MAST2: variants seen among roughly 807,000 people sequenced by gnomAD.
MAST2 encodes the protein microtubule associated serine/threonine kinase 2, also known as microtubule-associated serine/threonine-protein kinase 2.
A neutral mutation model predicts 147.4 loss-of-function variants in MAST2; 70 were observed. The observed-to-expected ratio is 0.47, with a 90% confidence interval of 0.39 to 0.58. The LOEUF is 0.58. Among genes scored for constraint, MAST2 ranks in the 20% least tolerant of loss-of-function variants. MAST2 has a pLI of 0.00. For synonymous variants in MAST2, 869 were observed against 896.8 expected, an observed-to-expected ratio of 0.97 and a Z score of 0.55; for missense variants, 2,080 against 2,302.3, an observed-to-expected ratio of 0.90 and a Z score of 1.98.
At chr1:45,894,296 C>T (rs1454358536) in intron 4 of MAST2, among the ~76,000 whole-genome samples, 1 of 151,846 alleles carries the variant, frequency 6.6e-6, no homozygotes, top group Non-Finnish European at 1.5e-5. Context: ...AAAGACAAAT[C>T]TTCAAATAAT....
At chr1:46,006,468 C>T (rs771852497) in intron 8 of MAST2, 73 bp downstream of exon 8, 2 of 1,486,352 alleles carry the variant, frequency 1.3e-6, no homozygotes, top group South Asian at 1.4e-5. Context: ...GAGGTGGGCA[C>T]ACTATGCTAT....
At chr1:45,970,690 G>C (rs114024507) in intron 5 of MAST2, among the ~76,000 whole-genome samples, 1 of 93,190 alleles carries the variant, frequency 1.1e-5, no homozygotes, top group Non-Finnish European at 2.2e-5. Flanking sequence ...AAAAAAAAAA[G>C]AATTTCTGCT....
intron 3 of MAST2, among the ~76,000 whole-genome samples, chr1:45,867,447 C>T (rs1412825776): frequency 6.6e-6 from 1 of 152,134 alleles, no homozygotes; most frequent in Non-Finnish European, 1.5e-5. Flanking sequence ...GTAAATAGGG[C>T]ATTTAGAAGT....
chr1:45,808,369 C>G (rs1161243943), intron 1 of MAST2, among the ~76,000 whole-genome samples: 3 of 152,092 alleles, frequency 2.0e-5, no homozygotes, highest in Non-Finnish European at 1.5e-5. Context: ...TAGCGCATGC[C>G]TGGCTAATTT....
chr1:45,849,718 G>A (rs1645563182), intron 3 of MAST2, among the ~76,000 whole-genome samples: 2 of 152,046 alleles, frequency 1.3e-5, no homozygotes, highest in Non-Finnish European at 2.9e-5. Context: ...AGTAGAGATG[G>A]GGTTTCACCA....
At chr1:45,804,494 A>T (rs1359484764) in intron 1 of MAST2, among the ~76,000 whole-genome samples, 1 of 152,014 alleles carries the variant, frequency 6.6e-6, no homozygotes, top group Non-Finnish European at 1.5e-5. Flanking sequence ...AACGGATGAC[A>T]CTCCCAAGCA....
At chr1:45,939,369 A>G (rs1237513946) in intron 4 of MAST2, among the ~76,000 whole-genome samples, 1 of 152,166 alleles carries the variant, frequency 6.6e-6, no homozygotes, top group Non-Finnish European at 1.5e-5. Context: ...ATTAATCTAT[A>G]TGCCTATCCT....
Position 46,023,680 on chromosome 1 carries a change from A to T in MAST2, c.1572-92A>T. 1.8e-6 allele frequency: 2 copies of T among 1,142,738 alleles called. No individual in the cohort carries two copies. Among genetic ancestry groups the T allele is most frequent in the Non-Finnish European group, 2.5e-6 (2 of 785,972 alleles). The allele number at this position is 1,142,738 out of a possible 1,614,324, so 70.8% of individuals were successfully genotyped here. A position where few individuals can be genotyped will look rare whatever the true frequency, so the allele number is the denominator to read the frequency against. On this transcript the variant is annotated intron_variant, in intron 14 of 28. Transcript: ENST00000361297. This position sits in a 1 kb window ranked among gnomAD's most constrained non-coding sequence, Gnocchi z 4.9. ...CCCTTGCCCCCTTGTTCTGTGCATT[A>T]ATTAAGGTGTGAGAGAAGGCAGTTT... is the stretch of plus-strand genomic sequence containing the variant.
At chr1:45,850,857 A>G (rs1229716197) in intron 3 of MAST2, among the ~76,000 whole-genome samples, 4 of 122,214 alleles carry the variant, frequency 3.3e-5, no homozygotes, top group Non-Finnish European at 6.9e-5. Flanking sequence ...TTTTTTTTTT[A>G]AACACTGTAG....
chr1:45,926,931 T>C (rs1654463831), intron 4 of MAST2, among the ~76,000 whole-genome samples: 1 of 152,206 alleles, frequency 6.6e-6, no homozygotes, highest in African/African-American at 2.4e-5. Flanking sequence ...AGGGGACCTG[T>C]CCCGATAATC....
chr1:45,813,163 ACT>A, intron 1 of MAST2, among the ~76,000 whole-genome samples: 1 of 151,696 alleles, frequency 6.6e-6, no homozygotes, highest in Non-Finnish European at 1.5e-5. Flanking sequence ...TAACTGTTAC[ACT>A]CTATTACTTA....
intron 5 of MAST2, among the ~76,000 whole-genome samples, chr1:45,993,338 T>G (rs1056644223): frequency 1.3e-5 from 2 of 152,148 alleles, no homozygotes; most frequent in Non-Finnish European, 2.9e-5. Context: ...AGAATTTTAT[T>G]TAGTTTTTTT....
Position 45,927,633 on chromosome 1 carries a change from C to A in MAST2, c.501-31753C>A, listed in dbSNP as rs372007104. Among the ~76,000 whole-genome samples, 68 of 152,250 alleles carry A rather than the reference C, an allele frequency of 4.5e-4. No individual in the cohort carries two copies. In the South Asian group the frequency reaches 9.8e-3, roughly 22 times the overall value. ...CCTGAACAATTGCTGTTATCCTGTT[C>A]TTTTTTCAAGGTGCTCAGATTTCAT... On this transcript the variant is annotated intron_variant, in intron 4 of 28. Coordinates refer to ENST00000361297, the MANE Select transcript of MAST2 (RefSeq NM_015112.3).
rs193190504 is a variant in MAST2, at chr1:45,898,814, C to T, written c.500+16419C>T. On this transcript the variant is annotated intron_variant, in intron 4 of 28. Coordinates refer to ENST00000361297, the MANE Select transcript of MAST2 (RefSeq NM_015112.3). ...AGCTCACCTCTGCACTGCTGCATTG[C>T]CCCCATACTCACTTTTTTTCAGGGA... Among the ~76,000 whole-genome samples, 21 of 152,288 alleles carry T rather than the reference C, an allele frequency of 1.4e-4. No homozygotes were observed. The East Asian group carries it at 4.0e-3, about 29-fold the overall frequency.
intron 4 of MAST2, among the ~76,000 whole-genome samples, chr1:45,908,694 A>G (rs1651174116): frequency 6.6e-6 from 1 of 152,116 alleles, no homozygotes; most frequent in African/African-American, 2.4e-5. Context: ...TTTATGGCCT[A>G]GCATGTGGTC....
chr1:45,979,921 G>A (rs111940318), intron 5 of MAST2, among the ~76,000 whole-genome samples: 4 of 152,306 alleles, frequency 2.6e-5, no homozygotes, highest in Admixed American at 2.6e-4. Context: ...ATTAAGGCAG[G>A]AACAGAAAAT....
At chr1:45,859,744 A>G (rs561548591) in intron 3 of MAST2, among the ~76,000 whole-genome samples, 3 of 152,232 alleles carry the variant, frequency 2.0e-5, no homozygotes, top group African/African-American at 4.8e-5. Context: ...GATGCAGCCT[A>G]TTCTGAGAAT....
rs759241296 is a variant in MAST2, at chr1:45,863,659, A to G, written c.469-18705A>G. On this transcript the variant is annotated intron_variant, in intron 3 of 28. Coordinates refer to ENST00000361297, the MANE Select transcript of MAST2 (RefSeq NM_015112.3). The stretch of plus-strand genomic sequence containing the variant: ...ACTGTTGGTTGCAGCTGTCATAATT[A>G]TAGGAGGGACTGCTTTTCTTCCTTT... 2.6e-5 allele frequency among the ~76,000 whole-genome samples: 4 copies of G among 152,296 alleles called. No homozygotes were observed. The South Asian group carries it at 8.3e-4, about 32-fold the overall frequency.
intron 4 of MAST2, among the ~76,000 whole-genome samples, chr1:45,922,584 G>A (rs1259724218): frequency 3.9e-5 from 6 of 152,204 alleles, no homozygotes; most frequent in East Asian, 3.9e-4. Flanking sequence ...ACTTTGCTCC[G>A]AGGTTGGAGT....
Sources: gnomAD v4.1 joint callset for allele counts (sites outside exome capture counted in the v4.1 genomes callset) on GRCh38, gnomAD v4.1.1 for gene constraint, Gnocchi (gnomAD v3.1) non-coding constraint, MANE v1.5 for transcripts, NCBI Gene and HGNC (gene_info 2026-07-23, HGNC 2026-07-21) for gene names.